Variants in PCDHGA2 observed in about 807,000 individuals in gnomAD.
The protein encoded by PCDHGA2 is protocadherin gamma subfamily A, 2, also known as protocadherin gamma-A2.
PCDHGA2 carries 40 observed loss-of-function variants against 59.2 expected under a neutral mutation model. That is an observed-to-expected ratio of 0.68 (90% CI 0.52 to 0.88). The LOEUF (loss-of-function observed/expected upper bound fraction) is 0.88. Among genes scored for constraint, PCDHGA2 ranks in the 40% least tolerant of loss-of-function variants. The pLI, the probability that PCDHGA2 is intolerant of heterozygous loss-of-function variation, is 0.00. For synonymous variants in PCDHGA2, 560 were observed against 526.0 expected, an observed-to-expected ratio of 1.06 and a Z score of -0.89; for missense variants, 1,226 against 1,204.0, an observed-to-expected ratio of 1.02 and a Z score of -0.27.
At chr5:141,358,103 T>C (rs887608631) in intron 1 of PCDHGA2, among the ~76,000 whole-genome samples, 2 of 152,130 alleles carry the variant, frequency 1.3e-5, no homozygotes, top group African/African-American at 4.8e-5. Context: ...GGCATGAGAA[T>C]TGCTTGAACC....
chr5:141,436,958 G>C (rs2097855854), intron 1 of PCDHGA2, among the ~76,000 whole-genome samples: 1 of 152,124 alleles, frequency 6.6e-6, no homozygotes, highest in Non-Finnish European at 1.5e-5. Context: ...ATCTAAACAA[G>C]GATCTTGTGA....
Position 141,432,061 on chromosome 5 carries a change from G to A in PCDHGA2, c.2425-62746G>A. 1 of 1,614,130 alleles carries A rather than the reference G, an allele frequency of 6.2e-7. No homozygotes were observed. The highest frequency in any genetic ancestry group is 8.5e-7 in the Non-Finnish European group (1 of 1,180,034). ...ACCGGGGAACCCCGCCCCTATCCAC[G>A]GAAACTCATATCTCGCTGAACGTGG... On this transcript the variant is annotated intron_variant, in intron 1 of 3. Coordinates refer to ENST00000394576, the MANE Select transcript of PCDHGA2 (RefSeq NM_018915.4). The surrounding 1 kb of genome is among the most constrained non-coding windows in gnomAD (Gnocchi z 6.0).
In PCDHGA2 at chr5:141,477,250, C is replaced by G; in HGVS notation, c.2425-17557C>G. 6.2e-7 allele frequency: 1 copy of G among 1,614,190 alleles called. No homozygotes were observed. The highest frequency in any genetic ancestry group is 8.5e-7 in the Non-Finnish European group (1 of 1,180,040). On this transcript the variant is annotated intron_variant, in intron 1 of 3. Coordinates refer to ENST00000394576, the MANE Select transcript of PCDHGA2 (RefSeq NM_018915.4). The surrounding 1 kb of genome is among the most constrained non-coding windows in gnomAD (Gnocchi z 4.9). ...TCATCGCTTTGCTCAGTGTGACTGA[C>G]CTGGATGCTGGCGAGAACGGGCTGG...
intron 1 of PCDHGA2, among the ~76,000 whole-genome samples, chr5:141,456,919 C>T (rs2098898169): frequency 1.3e-5 from 2 of 152,124 alleles, no homozygotes; most frequent in South Asian, 4.1e-4. Context: ...GCCGAGATCG[C>T]ACCACTGCAC....
Position 141,376,584 on chromosome 5 carries a change from T to C in PCDHGA2, c.2424+35189T>C, listed in dbSNP as rs770132968. On this transcript the variant is annotated intron_variant, in intron 1 of 3. Coordinates refer to ENST00000394576, the MANE Select transcript of PCDHGA2 (RefSeq NM_018915.4). Reference sequence around the variant, plus strand: ...CAACTAATCAGACAGGCTCATCAGCTAGATCGGCTGTTATAGAAGCGAACC... The same window carrying C: ...CAACTAATCAGACAGGCTCATCAGCCAGATCGGCTGTTATAGAAGCGAACC... 12 of 1,584,754 alleles carry C rather than the reference T, an allele frequency of 7.6e-6. No individual in the cohort carries two copies. In the East Asian group the frequency reaches 2.2e-4, roughly 30 times the overall value.
intron 1 of PCDHGA2, among the ~76,000 whole-genome samples, chr5:141,349,623 A>G (rs1758327450): frequency 6.6e-6 from 1 of 152,182 alleles, no homozygotes; most frequent in African/African-American, 2.4e-5. Context: ...CTGAATTGAT[A>G]ACATATATAT....
intron 1 of PCDHGA2, chr5:141,346,622 C>A: frequency 1.9e-6 from 2 of 1,048,544 alleles, no homozygotes; most frequent in Non-Finnish European, 1.4e-6. Flanking sequence ...GGACTGCACT[C>A]CCCGGTCTGG....
Position 141,489,384 on chromosome 5 carries a change from T to C in PCDHGA2, c.2425-5423T>C, listed in dbSNP as rs2099686499. The stretch of plus-strand genomic sequence containing the variant: ...AGCCGGGGACGCTGGTGGGGAATGT[T>C]GCTCAGGATCTGGGCTTAAAGATGA... On this transcript the variant is annotated intron_variant, in intron 1 of 3. Transcript: ENST00000394576. The surrounding 1 kb of genome is among the most constrained non-coding windows in gnomAD (Gnocchi z 4.5). 1 of 1,613,986 alleles carries C rather than the reference T, an allele frequency of 6.2e-7. No individual in the cohort carries two copies. The highest frequency in any genetic ancestry group is 8.5e-7 in the Non-Finnish European group (1 of 1,179,842).
At chr5:141,357,307 G>A (rs764785344) in intron 1 of PCDHGA2, 6 of 1,614,042 alleles carry the variant, frequency 3.7e-6, no homozygotes, top group East Asian at 2.2e-5. Flanking sequence ...TGTCTCCTGC[G>A]TCTTCCTGGC....
intron 1 of PCDHGA2, chr5:141,378,119 G>T (rs1412148490): frequency 1.3e-5 from 2 of 152,132 alleles, no homozygotes; most frequent in South Asian, 2.1e-4. Flanking sequence ...TAGTGAACAC[G>T]TATTTGTTGA....
chr5:141,383,492 G>T (rs1012277194), intron 1 of PCDHGA2: 11 of 1,613,178 alleles, frequency 6.8e-6, no homozygotes, highest in Non-Finnish European at 9.3e-6. Context: ...GTGCTGGAGC[G>T]GGTGCTGGAC....
At chr5:141,482,675 A>G (rs1258898440) in intron 1 of PCDHGA2, among the ~76,000 whole-genome samples, 1 of 149,114 alleles carries the variant, frequency 6.7e-6, no homozygotes, top group African/African-American at 2.5e-5. Context: ...AAGGTTGAGT[A>G]GTAGCTTGTC....
At chr5:141,379,728 G>A (rs1775778672) in intron 1 of PCDHGA2, 1 of 152,020 alleles carries the variant, frequency 6.6e-6, no homozygotes, top group African/African-American at 2.4e-5. Flanking sequence ...AATTTGCTAA[G>A]TTATGGCTAA....
chr5:141,497,211 G>T (rs914346878), intron 2 of PCDHGA2, among the ~76,000 whole-genome samples: 12 of 28,538 alleles, frequency 4.2e-4, no homozygotes, highest in African/African-American at 1.1e-3. Context: ...GAGTGTAATG[G>T]GGGGGGGAAG....
chr5:141,448,945 A>G (rs1288079348), intron 1 of PCDHGA2, among the ~76,000 whole-genome samples: 1 of 151,716 alleles, frequency 6.6e-6, no homozygotes, highest in Non-Finnish European at 1.5e-5. Context: ...ACTGCAACTC[A>G]AAAAAACAAA....
At chr5:141,494,999 G>T in intron 2 of PCDHGA2, 134 bp downstream of exon 2, 1 of 1,531,046 alleles carries the variant, frequency 6.5e-7, no homozygotes, top group Non-Finnish European at 8.8e-7. Context: ...GGGAGGTCTT[G>T]GTGTGCGGGG....
chr5:141,355,330 G>A (rs1759801275), intron 1 of PCDHGA2: 2 of 1,614,036 alleles, frequency 1.2e-6, no homozygotes, highest in Non-Finnish European at 1.7e-6. Flanking sequence ...AGAAGGCTCA[G>A]TGGTGGGCAA....
intron 1 of PCDHGA2, chr5:141,389,555 G>A (rs755878042): frequency 1.2e-5 from 20 of 1,613,076 alleles, no homozygotes; most frequent in East Asian, 6.7e-5. Flanking sequence ...ACGACAATGC[G>A]CCACGGGTGC....
At chr5:141,374,501 G>A (rs746410507) in intron 1 of PCDHGA2, 2 of 1,611,510 alleles carry the variant, frequency 1.2e-6, no homozygotes, top group Non-Finnish European at 1.7e-6. Context: ...AGAATTGGAA[G>A]TGAAAATTCT....
Sources: allele counts gnomAD v4.1 joint callset (sites outside exome capture counted in the v4.1 genomes callset), GRCh38; gene constraint gnomAD v4.1.1; non-coding constraint Gnocchi (gnomAD v3.1); transcripts MANE v1.5; gene names NCBI Gene and HGNC (gene_info 2026-07-23, HGNC 2026-07-21).